Variants in KCNMA1 observed in about 807,000 individuals in gnomAD.
KCNMA1 encodes the protein potassium calcium-activated channel subfamily M alpha 1, also known as Calcium-activated potassium channel subunit alpha-1.
Under a neutral mutation model 140.0 loss-of-function variants are expected in KCNMA1, and 29 were observed. The observed-to-expected ratio is 0.21, with a 90% CI of 0.15 to 0.28. The LOEUF (loss-of-function observed/expected upper bound fraction) is 0.28. KCNMA1 is among the 10% of genes least tolerant of loss of function. The pLI is 1.00. For synonymous variants in KCNMA1, 612 were observed against 611.9 expected, an observed-to-expected ratio of 1.00 and a Z score of 0.00; for missense variants, 880 against 1,602.2, an observed-to-expected ratio of 0.55 and a Z score of 7.70.
intron 2 of KCNMA1, among the ~76,000 whole-genome samples, chr10:77,359,475 C>A (rs868268783): frequency 6.6e-6 from 1 of 152,088 alleles, no homozygotes; most frequent in Admixed American, 6.6e-5. Flanking sequence ...CCAACCAGAG[C>A]GGAGAGGTGC....
chr10:77,555,642 C>CA (rs1424493374), intron 1 of KCNMA1, among the ~76,000 whole-genome samples: 1 of 152,194 alleles, frequency 6.6e-6, no homozygotes, highest in Non-Finnish European at 1.5e-5. Flanking sequence ...TCCAACACTC[C>CA]AGCCCCACTC....
chr10:77,228,012 T>G (rs972060111), intron 3 of KCNMA1, among the ~76,000 whole-genome samples: 2 of 148,554 alleles, frequency 1.3e-5, no homozygotes, highest in Non-Finnish European at 3.0e-5. Flanking sequence ...TCGCCCAGAC[T>G]GGAGTGCAGT....
At chr10:77,429,782 T>C (rs1368767869) in intron 1 of KCNMA1, among the ~76,000 whole-genome samples, 2 of 152,024 alleles carry the variant, frequency 1.3e-5, no homozygotes, top group Non-Finnish European at 2.9e-5. Flanking sequence ...GTGATTTATA[T>C]ATATGTTAAT....
At chr10:77,533,795 A>C (rs1167744202) in intron 1 of KCNMA1, among the ~76,000 whole-genome samples, 1 of 152,180 alleles carries the variant, frequency 6.6e-6, no homozygotes, top group East Asian at 1.9e-4. Context: ...GAAATATCAG[A>C]AGGATGAACT....
intron 1 of KCNMA1, among the ~76,000 whole-genome samples, chr10:77,435,420 A>G (rs894314959): frequency 2.0e-5 from 3 of 152,208 alleles, no homozygotes; most frequent in Non-Finnish European, 4.4e-5. Flanking sequence ...TGCAGTCTCA[A>G]TGGGGGCTGT....
intron 5 of KCNMA1, among the ~76,000 whole-genome samples, chr10:77,153,290 T>A (rs748024401): frequency 1.3e-5 from 2 of 152,174 alleles, no homozygotes; most frequent in Non-Finnish European, 2.9e-5. Flanking sequence ...ATTCCATAAT[T>A]TCCAGCTCAC....
chr10:77,637,761 G>GCCGCCGCC lies in KCNMA1; in HGVS notation c.-120_-119insGGCGGCGG, dbSNP rs2093916349. The GCCGCCGCC allele has an allele frequency of 1.2e-5, 14 of 1,208,810 alleles. No individual in the cohort carries two copies. The South Asian group carries it at 3.2e-4, about 28-fold the overall frequency. 74.9% of individuals were successfully genotyped at this position (1,208,810 alleles called of 1,614,324 possible). ...CTGCTGCCGCCGCCGCCGCCGCCGCGGAGCGCGGGAGGGGGGCGGGGAGGC... is the reference window on the plus strand; with the variant it reads ...CTGCTGCCGCCGCCGCCGCCGCCGCGCCGCCGCCGAGCGCGGGAGGGGGGCGGGGAGGC... On this transcript the variant is annotated 5_prime_UTR_variant, in exon 1 of 28. Coordinates refer to ENST00000286628, the MANE Select transcript of KCNMA1 (RefSeq NM_001161352.2).
intron 1 of KCNMA1, among the ~76,000 whole-genome samples, chr10:77,471,088 CA>C (rs1603627075): frequency 6.6e-6 from 1 of 151,250 alleles, no homozygotes; most frequent in African/African-American, 2.4e-5. Context: ...AACACATATA[CA>C]ACACACAATA....
intron 1 of KCNMA1, among the ~76,000 whole-genome samples, chr10:77,508,340 A>ATTTTT (rs58578775): frequency 0.088 from 11,504 of 131,290 alleles, 682 homozygotes; most frequent in African/African-American, 0.15. Context: ...ATGCCTGGCT[A>ATTTTT]TTTTTTTTTT....
At position 76,944,902 on chromosome 10, in the gene KCNMA1, T is replaced by C; in HGVS notation, c.2773A>G (p.Ile925Val). Residue 925 changes from isoleucine (I) to valine (V), a missense_variant, in exon 23 of 28, where the codon ATC (isoleucine) becomes GTC (valine). By Grantham distance (29) the Ile-to-Val change is conservative. This residue lies in a region of KCNMA1 where 82 missense variants were observed against 170.1 expected (regional missense o/e 0.48). Coordinates refer to ENST00000286628, the MANE Select transcript of KCNMA1 (RefSeq NM_001161352.2). ...ATATTATTCTGATTGGCTGACAGGATAACGCACATGTCACAGAGGTTGATG... is the reference window on the plus strand; with the variant it reads ...ATATTATTCTGATTGGCTGACAGGACAACGCACATGTCACAGAGGTTGATG... ...VNINLCDMCV[I>V]LSANQNNIDD... The C allele has an allele frequency of 6.2e-7, 1 of 1,613,912 alleles. No homozygotes were observed. Among genetic ancestry groups the C allele is most frequent in the Non-Finnish European group, 8.5e-7 (1 of 1,179,956 alleles).
At position 77,108,400 on chromosome 10, in the gene KCNMA1, CAA is replaced by C. The variant is rs2153858854; in HGVS notation, c.1223+79_1223+80del. Reference sequence around the variant, plus strand: ...TGCCTACATGCATGAAACAAAGAAACAAGAGCCAAAAAAAAAAAAAAATGGCA... The same window carrying C: ...TGCCTACATGCATGAAACAAAGAAACGAGCCAAAAAAAAAAAAAAATGGCA... On this transcript the variant is annotated intron_variant, in intron 9 of 27. Transcript: ENST00000286628. The surrounding 1 kb of genome is among the most constrained non-coding windows in gnomAD (Gnocchi z 4.6). 1.3e-6 allele frequency: 2 copies of C among 1,495,602 alleles called. No homozygotes were observed. The highest frequency in any genetic ancestry group is 2.0e-5 in the Admixed American group (1 of 49,208). 92.6% of individuals were successfully genotyped at this position (1,495,602 alleles called of 1,614,324 possible).
intron 1 of KCNMA1, among the ~76,000 whole-genome samples, chr10:77,535,923 A>T (rs1283581023): frequency 2.0e-5 from 3 of 152,232 alleles, no homozygotes; most frequent in African/African-American, 7.2e-5. Flanking sequence ...GGATTGGTTG[A>T]TAGGTGCAAA....
chr10:77,535,774 G>A (rs984106701), intron 1 of KCNMA1, among the ~76,000 whole-genome samples: 1 of 152,204 alleles, frequency 6.6e-6, no homozygotes, highest in Non-Finnish European at 1.5e-5. Context: ...ATTATGTTAA[G>A]TGAAATAAGC....
At chr10:77,585,203 A>G (rs2076937169) in intron 1 of KCNMA1, among the ~76,000 whole-genome samples, 1 of 152,190 alleles carries the variant, frequency 6.6e-6, no homozygotes, top group Admixed American at 6.5e-5. Context: ...GGGGAGGTGA[A>G]CAGAGGAACA....
intron 3 of KCNMA1, among the ~76,000 whole-genome samples, chr10:77,235,217 T>C (rs1477543436): frequency 1.3e-5 from 2 of 152,176 alleles, no homozygotes; most frequent in African/African-American, 2.4e-5. Flanking sequence ...GTTAATTTGA[T>C]TGCACAATTA....
intron 1 of KCNMA1, among the ~76,000 whole-genome samples, chr10:77,621,690 G>A (rs1206617043): frequency 6.6e-6 from 1 of 152,060 alleles, no homozygotes; most frequent in African/African-American, 2.4e-5. Context: ...GCACTTTGGG[G>A]GCCGAGGCAG....
At chr10:76,891,754 T>G in intron 25 of KCNMA1, 35 bp from the exon 26 acceptor site, 1 of 1,557,898 alleles carries the variant, frequency 6.4e-7, no homozygotes, top group Non-Finnish European at 8.8e-7. Flanking sequence ...AAAAGTCCTT[T>G]AAGCAAACAC....
intron 23 of KCNMA1, among the ~76,000 whole-genome samples, chr10:76,933,408 A>T (rs1044362617): frequency 6.6e-6 from 1 of 152,126 alleles, no homozygotes; most frequent in Admixed American, 6.6e-5. Flanking sequence ...TCTTTGGAGG[A>T]TCTACTCAGG....
intron 3 of KCNMA1, among the ~76,000 whole-genome samples, chr10:77,206,288 A>G (rs1413763636): frequency 1.3e-5 from 2 of 152,234 alleles, no homozygotes; most frequent in African/African-American, 4.8e-5. Context: ...TCACTGTTAA[A>G]TCAATAAAAG....
Sources: allele counts gnomAD v4.1 joint callset (sites outside exome capture counted in the v4.1 genomes callset), GRCh38; gene constraint gnomAD v4.1.1; regional missense constraint gnomAD v4.1.1; non-coding constraint Gnocchi (gnomAD v3.1); transcripts MANE v1.5; gene names NCBI Gene and HGNC (gene_info 2026-07-23, HGNC 2026-07-21).